ADAMTS3: variants seen among roughly 807,000 people sequenced by gnomAD.
ADAMTS3 encodes the protein A disintegrin and metalloproteinase with thrombospondin motifs 3.
A neutral mutation model predicts 129.0 loss-of-function variants in ADAMTS3; 73 were observed. That is an observed-to-expected ratio of 0.57 (90% confidence interval 0.47 to 0.69). The LOEUF (loss-of-function observed/expected upper bound fraction) is 0.69. ADAMTS3 is among the 30% of genes least tolerant of loss of function. ADAMTS3 has a pLI of 0.00. For missense variants in ADAMTS3, 1,457 were observed against 1,514.5 expected (o/e 0.96, Z 0.63); for synonymous variants, 477 against 510.8 (o/e 0.93, Z 0.89).
chr4:72,368,643 G>A (rs1163493134), intron 4 of ADAMTS3, among the ~76,000 whole-genome samples: 1 of 152,142 alleles, frequency 6.6e-6, no homozygotes, highest in East Asian at 1.9e-4. Flanking sequence ...TGATTAGAGT[G>A]GTCCTGACAA....
chr4:72,359,988 C>A (rs1720677693), intron 4 of ADAMTS3, among the ~76,000 whole-genome samples: 1 of 151,996 alleles, frequency 6.6e-6, no homozygotes, highest in Non-Finnish European at 1.5e-5. Flanking sequence ...CAGAAGGGTG[C>A]AGAATATCAT....
At chr4:72,439,171 C>T (rs936176588) in intron 3 of ADAMTS3, among the ~76,000 whole-genome samples, 5 of 151,568 alleles carry the variant, frequency 3.3e-5, no homozygotes, top group Non-Finnish European at 5.9e-5. Context: ...AATAAGTGGC[C>T]ATTAAAATAC....
intron 3 of ADAMTS3, among the ~76,000 whole-genome samples, chr4:72,419,555 C>G (rs894886422): frequency 6.6e-6 from 1 of 152,156 alleles, no homozygotes; most frequent in Non-Finnish European, 1.5e-5. Context: ...CAGCCCAGGA[C>G]AGCTTTGAAT....
intron 4 of ADAMTS3, among the ~76,000 whole-genome samples, chr4:72,373,763 G>A (rs1721070528): frequency 1.3e-5 from 2 of 151,862 alleles, no homozygotes; most frequent in Admixed American, 6.6e-5. Flanking sequence ...AGCCAGGTGT[G>A]GTGGCACACA....
At chr4:72,295,630 A>G in intron 19 of ADAMTS3, 24 bp downstream of exon 19, 1 of 1,594,098 alleles carries the variant, frequency 6.3e-7, no homozygotes. Context: ...ACCTCCAGAT[A>G]TGATAGTTAA....
At position 72,312,288 on chromosome 4, in the gene ADAMTS3, C is replaced by G; in HGVS notation, c.1921+3G>C. On this transcript the variant is annotated splice_donor_region_variant and intron_variant, in intron 13 of 21. Transcript: ENST00000286657. ...GCAGGAAGGAGAGCACGAGGCTACT[C>G]ACGGTCAGGATGTTCATATGGCAAC... 1 of 1,613,372 alleles carries G rather than the reference C, an allele frequency of 6.2e-7. No individual in the cohort carries two copies.
intron 4 of ADAMTS3, among the ~76,000 whole-genome samples, chr4:72,370,697 C>T (rs989676378): frequency 3.3e-5 from 5 of 152,060 alleles, no homozygotes; most frequent in South Asian, 2.1e-4. Flanking sequence ...TTGCAGTGAG[C>T]GGAGATCGCA....
chr4:72,513,018 C>T (rs1205521765), intron 3 of ADAMTS3, among the ~76,000 whole-genome samples: 3 of 152,156 alleles, frequency 2.0e-5, no homozygotes, highest in African/African-American at 7.2e-5. Context: ...TCCAAACACT[C>T]CTTAATTCTA....
intron 4 of ADAMTS3, among the ~76,000 whole-genome samples, chr4:72,382,961 C>G (rs947200715): frequency 2.0e-5 from 3 of 152,118 alleles, no homozygotes; most frequent in East Asian, 1.9e-4. Context: ...ACTGGAAACC[C>G]AAACCCCAGC....
rs1236071330 is a variant in ADAMTS3 at position 72,309,390 on chromosome 4, A to G, written c.2179+7T>C. 2 of 1,611,332 alleles carry G rather than the reference A, an allele frequency of 1.2e-6. No homozygotes were observed. Among genetic ancestry groups the G allele is most frequent in the South Asian group, 2.2e-5 (2 of 90,990 alleles). On this transcript the variant is annotated splice_region_variant and intron_variant, in intron 15 of 21. Coordinates refer to ENST00000286657, the MANE Select transcript of ADAMTS3 (RefSeq NM_014243.3). ...GAATACTAAATCCATGAGAGACCTC[A>G]TCTTACCAAGCTTCCTGGGAGTTCT...
chr4:72,349,242 T>A (rs1389287829), intron 4 of ADAMTS3, among the ~76,000 whole-genome samples: 1 of 152,048 alleles, frequency 6.6e-6, no homozygotes. Context: ...TAAATTTCCA[T>A]AATTAATAAT....
At chr4:72,381,156 G>GTTAT (rs1578630564) in intron 4 of ADAMTS3, among the ~76,000 whole-genome samples, 1 of 152,286 alleles carries the variant, frequency 6.6e-6, no homozygotes, top group East Asian at 1.9e-4. Context: ...TGGCTGTGTA[G>GTTAT]ACTGGGGTGT....
intron 3 of ADAMTS3, among the ~76,000 whole-genome samples, chr4:72,507,109 G>A (rs1028182760): frequency 2.7e-4 from 41 of 152,200 alleles, no homozygotes; most frequent in African/African-American, 9.4e-4. Context: ...GTGTGAATGT[G>A]TATATCTGCA....
intron 3 of ADAMTS3, among the ~76,000 whole-genome samples, chr4:72,464,135 G>A (rs1396352258): frequency 6.6e-6 from 1 of 151,998 alleles, no homozygotes; most frequent in Non-Finnish European, 1.5e-5. Context: ...CAATGACCGT[G>A]CAAAACCTGC....
chr4:72,516,152 T>C (rs1304070364), intron 3 of ADAMTS3, among the ~76,000 whole-genome samples: 9 of 152,186 alleles, frequency 5.9e-5, no homozygotes, highest in East Asian at 3.8e-4. Flanking sequence ...GTTGTAGATA[T>C]GCAGCATTAT....
intron 3 of ADAMTS3, among the ~76,000 whole-genome samples, chr4:72,491,357 G>T (rs1340658208): frequency 6.6e-6 from 1 of 151,604 alleles, no homozygotes; most frequent in Non-Finnish European, 1.5e-5. Flanking sequence ...GACCAGAGTA[G>T]GCATCTTTGT....
chr4:72,480,715 A>G (rs28883299), intron 3 of ADAMTS3, among the ~76,000 whole-genome samples: 1 of 151,220 alleles, frequency 6.6e-6, no homozygotes, highest in Non-Finnish European at 1.5e-5. Flanking sequence ...AAAATAAAAA[A>G]TAAAAAAAGA....
chr4:72,456,561 C>T (rs577652156), intron 3 of ADAMTS3, among the ~76,000 whole-genome samples: 4 of 150,810 alleles, frequency 2.7e-5, no homozygotes, highest in Admixed American at 1.3e-4. Flanking sequence ...GTTTAAATAT[C>T]TGCTATATCA....
intron 3 of ADAMTS3, among the ~76,000 whole-genome samples, chr4:72,490,856 A>G (rs796430783): frequency 1.3e-4 from 20 of 151,942 alleles, no homozygotes; most frequent in African/African-American, 4.1e-4. Flanking sequence ...TTGTTTTTCT[A>G]TATCTGTAAC....
Sources: allele counts gnomAD v4.1 joint callset (sites outside exome capture counted in the v4.1 genomes callset), GRCh38; gene constraint gnomAD v4.1.1; transcripts MANE v1.5; gene names NCBI Gene and HGNC (gene_info 2026-07-23, HGNC 2026-07-21).